The following GRM8 variants were observed in gnomAD, a reference collection of about 807,000 sequenced individuals.
GRM8 encodes metabotropic glutamate receptor 8.
A neutral mutation model predicts 87.2 loss-of-function variants in GRM8; 47 were observed. The ratio of observed to expected loss-of-function variants is 0.54; its 90% CI spans 0.43 to 0.69. GRM8 has a LOEUF of 0.69. Ranked by LOEUF, GRM8 falls within the 30% of genes least tolerant of loss-of-function variation. The pLI is 0.00. For missense variants in GRM8, 1,019 were observed against 1,139.2 expected, an observed-to-expected ratio of 0.89 and a Z score of 1.52; for synonymous variants, 396 against 404.5, an observed-to-expected ratio of 0.98 and a Z score of 0.25.
chr7:127,105,435 A>G (rs539736652), intron 3 of GRM8: 4 of 152,340 alleles, frequency 2.6e-5, no homozygotes, highest in Non-Finnish European at 5.9e-5. Context: ...TAATTTTTCT[A>G]TGTCCTACTA....
At chr7:127,057,267 T>A (rs1820091214) in intron 3 of GRM8, among the ~76,000 whole-genome samples, 1 of 152,248 alleles carries the variant, frequency 6.6e-6, no homozygotes, top group Non-Finnish European at 1.5e-5. Context: ...AGGGAAAAGT[T>A]AAGATGAAGA....
chr7:126,552,413 T>C (rs1252961374), intron 8 of GRM8, among the ~76,000 whole-genome samples: 3 of 152,184 alleles, frequency 2.0e-5, no homozygotes, highest in African/African-American at 7.2e-5. Flanking sequence ...AATCTTGAGA[T>C]AATATAATCC....
At chr7:126,791,410 T>C (rs961763418) in intron 6 of GRM8, among the ~76,000 whole-genome samples, 2 of 152,180 alleles carry the variant, frequency 1.3e-5, no homozygotes, top group African/African-American at 4.8e-5. Context: ...ATTGTCTACA[T>C]TGTCTTATAT....
chr7:126,855,210 T>C (rs978547980), intron 6 of GRM8, among the ~76,000 whole-genome samples: 4 of 152,182 alleles, frequency 2.6e-5, no homozygotes, highest in Admixed American at 6.6e-5. Context: ...CTCATAATAG[T>C]TGTACCTTAA....
At chr7:126,607,040 G>T (rs1358225136) in intron 8 of GRM8, among the ~76,000 whole-genome samples, 1 of 152,170 alleles carries the variant, frequency 6.6e-6, no homozygotes, top group Non-Finnish European at 1.5e-5. Flanking sequence ...ATTAATAAAA[G>T]TCAGATAAAA....
chr7:126,752,803 G>A (rs182680161), intron 7 of GRM8, among the ~76,000 whole-genome samples: 77 of 152,166 alleles, frequency 5.1e-4, no homozygotes, highest in Non-Finnish European at 3.7e-4. Flanking sequence ...TCAGGACTCA[G>A]TTCAAATATC....
intron 3 of GRM8, among the ~76,000 whole-genome samples, chr7:127,104,493 A>T (rs1825633156): frequency 6.6e-6 from 1 of 152,210 alleles, no homozygotes; most frequent in Non-Finnish European, 1.5e-5. Context: ...AAAATGAGGG[A>T]TGATTTTGAT....
At chr7:126,539,913 A>G (rs915355463) in intron 8 of GRM8, among the ~76,000 whole-genome samples, 19 of 152,050 alleles carry the variant, frequency 1.2e-4, no homozygotes, top group Non-Finnish European at 1.8e-4. Flanking sequence ...ACATGACACC[A>G]AAAGCAGAAG....
intron 2 of GRM8, among the ~76,000 whole-genome samples, chr7:127,162,438 G>A (rs968589487): frequency 1.3e-5 from 2 of 152,160 alleles, no homozygotes; most frequent in Admixed American, 6.5e-5. Context: ...CAGCAGAAAG[G>A]AAGATCCCAG....
chr7:126,769,899 C>T lies in GRM8; in HGVS notation c.1323G>A (p.Glu441=), dbSNP rs775373205. 6 of 1,612,488 alleles carry T rather than the reference C, an allele frequency of 3.7e-6. No individual in the cohort carries two copies. The highest frequency in any genetic ancestry group is 1.3e-5 in the African/African-American group (1 of 74,854). Residue 441 remains glutamate (E), a synonymous_variant, in exon 7 of 11, where the codon GAG becomes GAA. Coordinates refer to ENST00000339582, the MANE Select transcript of GRM8 (RefSeq NM_000845.3). ...CPRMSTIDGK[E]LLGYIRAVNF... is the part of the protein sequence containing the mutation. ...TTACAGCCCGAATATAACCAAGTAG[C>T]TCTTTCCCATCAATGGTACTCATTC...
chr7:127,157,292 G>A (rs1175897069), intron 2 of GRM8, among the ~76,000 whole-genome samples: 1 of 151,568 alleles, frequency 6.6e-6, no homozygotes, highest in Non-Finnish European at 1.5e-5. Flanking sequence ...GGAGAGAAGA[G>A]AGGGAAAAAA....
rs1280861770 is a variant in GRM8, at chr7:126,769,963, T to G, written c.1259A>C (p.His420Pro). 6.2e-7 allele frequency: 1 copy of G among 1,612,344 alleles called. No individual in the cohort carries two copies. The highest frequency in any genetic ancestry group is 8.5e-7 in the Non-Finnish European group (1 of 1,178,650). ...AATGTATCCAGGGCAGAGATCTTTGTGCATATTGTGCAGGGCGTAAGCCAT... is the reference window on the plus strand; with the variant it reads ...AATGTATCCAGGGCAGAGATCTTTGGGCATATTGTGCAGGGCGTAAGCCAT... ...YSMAYALHNM[H>P]KDLCPGYIGL... Residue 420 changes from histidine to proline, a missense_variant, in exon 7 of 11, where the codon CAC becomes CCC. By Grantham distance (77) the His-to-Pro change is moderately conservative. Transcript: ENST00000339582.
chr7:126,561,342 G>A (rs146762918), intron 8 of GRM8, among the ~76,000 whole-genome samples: 2,289 of 152,058 alleles, frequency 0.015, 72 homozygotes, highest in African/African-American at 0.052. Flanking sequence ...GTGGTGGCTC[G>A]TGCCTGTGGT....
chr7:126,449,122 A>G (rs75303256), intron 9 of GRM8, among the ~76,000 whole-genome samples: 3,421 of 151,920 alleles, frequency 0.023, 136 homozygotes, highest in African/African-American at 0.079. Context: ...CATGGAAGGA[A>G]TATGTTCCAG....
chr7:126,993,970 T>C (rs1394984896), intron 3 of GRM8, among the ~76,000 whole-genome samples: 2 of 152,102 alleles, frequency 1.3e-5, no homozygotes, highest in African/African-American at 4.8e-5. Flanking sequence ...AGCCAGTGGA[T>C]TGGGGTGGCA....
intron 9 of GRM8, among the ~76,000 whole-genome samples, chr7:126,524,654 C>A (rs910027359): frequency 6.6e-6 from 1 of 152,024 alleles, no homozygotes; most frequent in Non-Finnish European, 1.5e-5. Flanking sequence ...TGGGATCTTG[C>A]ATTTATGCTC....
Position 127,171,865 on chromosome 7 carries a change from C to T in GRM8, c.511-65153G>A, listed in dbSNP as rs1425435533. Among the ~76,000 whole-genome samples, 3 of 152,118 alleles carry T rather than the reference C, an allele frequency of 2.0e-5. No homozygotes were observed. In the East Asian group the frequency reaches 5.8e-4, roughly 29 times the overall value. ...AGAGAAATCCCAGTTATACAGCTGA[C>T]TCCAGACACATGCAGTCTTGGACAC... On this transcript the variant is annotated intron_variant, in intron 2 of 10. Transcript: ENST00000339582.
At chr7:126,758,247 A>T (rs1215352695) in intron 7 of GRM8, among the ~76,000 whole-genome samples, 1 of 152,192 alleles carries the variant, frequency 6.6e-6, no homozygotes, top group East Asian at 1.9e-4. Flanking sequence ...GCATATTTAC[A>T]CTGTGCCAGG....
chr7:127,218,613 G>A (rs1587305480), intron 2 of GRM8, among the ~76,000 whole-genome samples: 1 of 152,188 alleles, frequency 6.6e-6, no homozygotes, highest in Admixed American at 6.5e-5. Flanking sequence ...CAGCCATGAT[G>A]ATCCAGCCTC....
Sources: gnomAD v4.1 joint callset for allele counts (sites outside exome capture counted in the v4.1 genomes callset) on GRCh38, gnomAD v4.1.1 for gene constraint, MANE v1.5 for transcripts, NCBI Gene and HGNC (gene_info 2026-07-23, HGNC 2026-07-21) for gene names.